Variants in TMEM63A observed in about 807,000 individuals in gnomAD.
TMEM63A encodes mechanosensitive cation channel TMEM63A.
TMEM63A carries 76 observed loss-of-function variants against 100.6 expected under a neutral mutation model. The observed-to-expected ratio is 0.76, with a 90% CI of 0.63 to 0.91. TMEM63A has a LOEUF of 0.91. TMEM63A is among the 40% of genes least tolerant of loss of function. The probability of loss-of-function intolerance (pLI) is 0.00; values close to 1 mark genes in which losing one functional copy is unlikely to be tolerated. For missense variants in TMEM63A, 876 were observed against 1,008.8 expected (o/e 0.87, Z 1.78); for synonymous variants, 401 against 401.1 (o/e 1.00, Z 0.00).
chr1:225,882,242 G>GCGCACCCCGACGTGGACCCGGCCC (rs3215222), intron 1 of TMEM63A, 62 bp downstream of exon 1: 6,221 of 152,452 alleles, frequency 0.041, 192 homozygotes, highest in East Asian at 0.14. Context: ...GACACCTGGC[G>GCGCACCCCGACGTGGACCCGGCCC]CGCACGTCCC....
Position 225,847,037 on chromosome 1 carries a change from G to C in TMEM63A, c.*3C>G, listed in dbSNP as rs1188697381. 15 of 1,608,042 alleles carry C rather than the reference G, an allele frequency of 9.3e-6. No individual in the cohort carries two copies. Among genetic ancestry groups the C allele is most frequent in the Non-Finnish European group, 1.2e-5 (14 of 1,177,310 alleles). ...CCTGGCCCAGCCAGCAGCTCACCCA[G>C]CCTCAGGCCTCCTGGGGGGCAGCAG... On this transcript the variant is annotated 3_prime_UTR_variant, in exon 24 of 25. Transcript: ENST00000366835.
In TMEM63A at chr1:225,853,770, C is replaced by T. The variant is rs771093660; in HGVS notation, c.1656G>A (p.Gln552=). 6.2e-7 allele frequency: 1 copy of T among 1,607,340 alleles called. No homozygotes were observed. The highest frequency in any genetic ancestry group is 8.5e-7 in the Non-Finnish European group (1 of 1,176,758). Residue 552 remains glutamine, a synonymous_variant, in exon 19 of 25, where the codon CAG becomes CAA. Coordinates refer to ENST00000366835, the MANE Select transcript of TMEM63A (RefSeq NM_014698.3). The surrounding 1 kb of genome is among the most constrained non-coding windows in gnomAD (Gnocchi z 4.0). The part of the protein sequence containing the change: ...IRLECVFLPD[Q]GAFFVNYVIA... The stretch of plus-strand genomic sequence containing the variant: ...TGACATAGTTCACAAAGAAGGCACC[C>T]TGGTCAGGCAGGAAGACGCACCTGG...
At chr1:225,857,384 C>CG (rs752790126) in intron 15 of TMEM63A, among the ~76,000 whole-genome samples, 3 of 93,868 alleles carry the variant, frequency 3.2e-5, no homozygotes, top group African/African-American at 6.2e-5. Flanking sequence ...GCCGGCGGGG[C>CG]GGGGGGGGGG....
chr1:225,868,209 CAT>C (rs1670311237), intron 6 of TMEM63A, among the ~76,000 whole-genome samples, 179 bp from the exon 7 acceptor site: 1 of 152,182 alleles, frequency 6.6e-6, no homozygotes, highest in Non-Finnish European at 1.5e-5. Flanking sequence ...CAGGATCTCA[CAT>C]GATATAAATT....
intron 23 of TMEM63A, chr1:225,847,448 C>T: frequency 2.1e-6 from 1 of 476,264 alleles, no homozygotes; most frequent in African/African-American, 1.9e-5. Context: ...CAGAAGGAAG[C>T]ACAAGAGAGC....
downstream of TMEM63A, among the ~76,000 whole-genome samples, chr1:225,844,119 AAAG>A (rs1416515306): frequency 6.6e-6 from 1 of 152,140 alleles, no homozygotes; most frequent in Non-Finnish European, 1.5e-5. Context: ...ACATGAATTA[AAAG>A]AAGGTAAGGA....
Position 225,855,873 on chromosome 1 carries a change from C to T in TMEM63A, c.1634+5G>A. On this transcript the variant is annotated splice_donor_5th_base_variant and intron_variant, in intron 18 of 24. Transcript: ENST00000366835. Reference sequence around the variant, plus strand: ...GGCTCCAGAACTCAACTTGGCAATACTCACTCCAACCTGATGGAGGCCTCC... The same window carrying T: ...GGCTCCAGAACTCAACTTGGCAATATTCACTCCAACCTGATGGAGGCCTCC... 6.2e-7 allele frequency: 1 copy of T among 1,613,972 alleles called. No individual in the cohort carries two copies. The highest frequency in any genetic ancestry group is 8.5e-7 in the Non-Finnish European group (1 of 1,179,954).
Position 225,872,689 on chromosome 1 carries a change from C to CT in TMEM63A, c.267-637dup, listed in dbSNP as rs67884791. Among the ~76,000 whole-genome samples the CT allele has an allele frequency of 2.3e-3, 197 of 87,042 alleles. 1 individual carries two copies. Among genetic ancestry groups the CT allele is most frequent in the African/African-American group, 7.0e-3 (161 of 22,964 alleles). The allele number at this position is 87,042 out of a possible 152,430, so 57.1% of individuals were successfully genotyped here. On this transcript the variant is annotated intron_variant, in intron 4 of 24. Coordinates refer to ENST00000366835, the MANE Select transcript of TMEM63A (RefSeq NM_014698.3). ...ATACGTATATGTGACTGCTTTTCTT[C>CT]TTTTTTTTTTTTTTTTTTTTTTGAG...
At chr1:225,864,675 A>G (rs1040966207) in intron 10 of TMEM63A, 1 of 152,244 alleles carries the variant, frequency 6.6e-6, no homozygotes, top group Admixed American at 6.5e-5. Flanking sequence ...AAATACTTAG[A>G]GTTTCTGAAG....
chr1:225,874,407 G>T, intron 3 of TMEM63A, 40 bp from the exon 4 acceptor site: 1 of 1,576,768 alleles, frequency 6.3e-7, no homozygotes. Flanking sequence ...CATATTGGAT[G>T]GCTTCTCATT....
In TMEM63A at chr1:225,853,208, C is replaced by A. The variant is rs1426180951; in HGVS notation, c.1797+421G>T. ...TCCCACTTTCCTCGCACAGTGCCCACCATGGCAGAGGAGAATAAAAGAGAA... is the reference window on the plus strand; with the variant it reads ...TCCCACTTTCCTCGCACAGTGCCCAACATGGCAGAGGAGAATAAAAGAGAA... On this transcript the variant is annotated intron_variant, in intron 19 of 24. Coordinates refer to ENST00000366835, the MANE Select transcript of TMEM63A (RefSeq NM_014698.3). The surrounding 1 kb of genome is among the most constrained non-coding windows in gnomAD (Gnocchi z 4.0). 6.6e-6 allele frequency among the ~76,000 whole-genome samples: 1 copy of A among 152,148 alleles called. No homozygotes were observed. The highest frequency in any genetic ancestry group is 2.4e-5 in the African/African-American group (1 of 41,432).
intron 5 of TMEM63A, 101 bp from the exon 6 acceptor site, chr1:225,871,214 T>C: frequency 7.8e-7 from 1 of 1,276,948 alleles, no homozygotes; most frequent in Non-Finnish European, 1.1e-6. Flanking sequence ...AACCTCCTGT[T>C]GTATAAAAAA....
intron 20 of TMEM63A, among the ~76,000 whole-genome samples, chr1:225,851,972 G>A (rs1456601754): frequency 6.6e-6 from 1 of 152,286 alleles, no homozygotes; most frequent in Non-Finnish European, 1.5e-5. Flanking sequence ...AATAGAAACA[G>A]GAACTGCCTT....
Position 225,862,133 on chromosome 1 carries a change from C to A in TMEM63A, c.1085+85G>T. On this transcript the variant is annotated intron_variant, in intron 13 of 24. Coordinates refer to ENST00000366835, the MANE Select transcript of TMEM63A (RefSeq NM_014698.3). The surrounding 1 kb of genome is among the most constrained non-coding windows in gnomAD (Gnocchi z 5.1). ...TCCCAGGGATGGTGGGTCAGCAGTA[C>A]CATCTCCACTCGAGAGGGACAGTGA... 6.4e-7 allele frequency: 1 copy of A among 1,564,828 alleles called. No homozygotes were observed.
At chr1:225,845,007 C>A, downstream of TMEM63A, 1 of 961,372 alleles carries the variant, frequency 1.0e-6, no homozygotes, top group Non-Finnish European at 1.6e-6. Context: ...CGGTTGAGAC[C>A]CTGGATTTGT....
downstream of TMEM63A, among the ~76,000 whole-genome samples, chr1:225,843,219 T>C (rs959207034): frequency 4.1e-4 from 62 of 152,282 alleles, no homozygotes; most frequent in African/African-American, 1.3e-3. Flanking sequence ...GGATTCTTTG[T>C]CTAAGCGGCA....
chr1:225,848,877 G>C lies in TMEM63A; in HGVS notation c.2187+20C>G. On this transcript the variant is annotated intron_variant, in intron 22 of 24. Transcript: ENST00000366835. ...GTTCCTCCCAGGGCTTGACCGGGCA[G>C]TGGGGTCGGGGGCCTTTACTTTGTA... 6.4e-7 allele frequency: 1 copy of C among 1,554,638 alleles called. No individual in the cohort carries two copies. The highest frequency in any genetic ancestry group is 8.7e-7 in the Non-Finnish European group (1 of 1,144,628).
At chr1:225,842,646 G>A (rs1217749665), downstream of TMEM63A, among the ~76,000 whole-genome samples, 1 of 152,248 alleles carries the variant, frequency 6.6e-6, no homozygotes, top group Non-Finnish European at 1.5e-5. Flanking sequence ...TTTGGGTGAG[G>A]TGGCCTGGTG....
rs1669019301 is a variant in TMEM63A at position 225,846,867 on chromosome 1, A to T, written c.*72T>A. On this transcript the variant is annotated 3_prime_UTR_variant, in exon 25 of 25. Transcript: ENST00000366835. ...TAGCTCAGCTGGGCAGTCCCAACGC[A>T]TTCCCACTCAGCCAAGGGCCTGAGC... 1.3e-6 allele frequency: 1 copy of T among 779,728 alleles called. No homozygotes were observed. The highest frequency in any genetic ancestry group is 2.3e-5 in the South Asian group (1 of 43,856). 48.3% of individuals were successfully genotyped at this position (779,728 alleles called of 1,614,324 possible). A position where few individuals can be genotyped will look rare whatever the true frequency, so the allele number is the denominator to read the frequency against.
Sources: gnomAD v4.1 joint callset for allele counts (sites outside exome capture counted in the v4.1 genomes callset) on GRCh38, gnomAD v4.1.1 for gene constraint, Gnocchi (gnomAD v3.1) non-coding constraint, MANE v1.5 for transcripts, NCBI Gene and HGNC (gene_info 2026-07-23, HGNC 2026-07-21) for gene names.